The following NUP50 variants were observed in gnomAD, a reference collection of about 807,000 sequenced individuals.
NUP50 encodes nucleoporin 50, also known as nuclear pore complex protein Nup50.
In NUP50, 14 loss-of-function variants were observed where a neutral mutation model predicts 36.8. The observed-to-expected ratio is 0.38, with a 90% confidence interval of 0.25 to 0.59. NUP50 has a LOEUF of 0.59. Among genes scored for constraint, NUP50 ranks in the 20% least tolerant of loss-of-function variants. The probability of loss-of-function intolerance (pLI) is 0.63; values close to 1 mark genes in which losing one functional copy is unlikely to be tolerated. For synonymous variants in NUP50, 195 were observed against 210.8 expected, an observed-to-expected ratio of 0.93 and a Z score of 0.65; for missense variants, 455 against 564.6, an observed-to-expected ratio of 0.81 and a Z score of 1.97.
chr22:45,172,002 TGA>T (rs575457327), intron 3 of NUP50: 161 of 281,908 alleles, frequency 5.7e-4, no homozygotes, highest in African/African-American at 3.3e-3. Flanking sequence ...AAGGATCTTC[TGA>T]GAGTCTTGTC....
At chr22:45,168,458 T>A (rs1368865125) in intron 2 of NUP50, among the ~76,000 whole-genome samples, 2 of 152,256 alleles carry the variant, frequency 1.3e-5, no homozygotes, top group African/African-American at 4.8e-5. Flanking sequence ...ATGTATTAAT[T>A]ACATTTAGAT....
chr22:45,180,156 G>A (rs941478850), intron 5 of NUP50: 1 of 152,184 alleles, frequency 6.6e-6, no homozygotes, highest in Non-Finnish European at 1.5e-5. Context: ...GATTTGAATC[G>A]AGTCCCAGTG....
At chr22:45,179,567 C>G (rs1474263538) in intron 5 of NUP50, among the ~76,000 whole-genome samples, 1 of 152,122 alleles carries the variant, frequency 6.6e-6, no homozygotes, top group Non-Finnish European at 1.5e-5. Flanking sequence ...CAGGTGATGT[C>G]TGTGAAGACA....
At chr22:45,176,828 C>T (rs1316394574) in intron 4 of NUP50, among the ~76,000 whole-genome samples, 2 of 151,934 alleles carry the variant, frequency 1.3e-5, no homozygotes, top group Admixed American at 6.6e-5. Context: ...CTGCAGCCTC[C>T]GCCTCTGGGT....
chr22:45,183,754 T>C (rs2074421381), intron 7 of NUP50: 1 of 457,156 alleles, frequency 2.2e-6, no homozygotes, highest in Admixed American at 3.6e-5. Context: ...GTTAGAAATG[T>C]GACTAAGAAG....
At chr22:45,174,326 C>T (rs1371450121) in intron 3 of NUP50, among the ~76,000 whole-genome samples, 6 of 151,966 alleles carry the variant, frequency 3.9e-5, no homozygotes, top group South Asian at 2.1e-4. Context: ...TACAGGCATG[C>T]GCCACCACAC....
At chr22:45,169,741 C>T (rs145925457) in intron 2 of NUP50, among the ~76,000 whole-genome samples, 24 of 152,302 alleles carry the variant, frequency 1.6e-4, no homozygotes, top group Non-Finnish European at 2.5e-4. Flanking sequence ...CAAGTGGTAA[C>T]GCCAGTGCCT....
intron 5 of NUP50, among the ~76,000 whole-genome samples, chr22:45,180,981 G>C (rs923842550): frequency 5.6e-5 from 8 of 142,322 alleles, no homozygotes; most frequent in African/African-American, 2.1e-4. Context: ...ATAGAGTGTT[G>C]ATTTTTTTTT....
chr22:45,184,464 C>A lies in NUP50; in HGVS notation c.1216C>A (p.Leu406Met). The A allele has an allele frequency of 6.2e-7, 1 of 1,613,946 alleles. No homozygotes were observed. Among genetic ancestry groups the A allele is most frequent in the South Asian group, 1.1e-5 (1 of 91,070 alleles). ...TTGTTTGAATGCAGGCAACATATTG[C>A]TGAACGTTCTGATTCCACCCAATAT... ...RADTNLGNIL[L>M]NVLIPPNMPC... The change falls in exon 8 of 8, where the codon CTG (leucine) becomes ATG (methionine). Residue 406 changes from leucine to methionine, a missense_variant. Transcript: ENST00000347635.
At chr22:45,182,789 T>C (rs1165469130) in intron 6 of NUP50, among the ~76,000 whole-genome samples, 1 of 151,844 alleles carries the variant, frequency 6.6e-6, no homozygotes, top group Non-Finnish European at 1.5e-5. Flanking sequence ...CACGCTCAGC[T>C]AATTTTTTGT....
At chr22:45,173,342 T>G (rs1372681155) in intron 3 of NUP50, among the ~76,000 whole-genome samples, 2 of 151,448 alleles carry the variant, frequency 1.3e-5, no homozygotes, top group Non-Finnish European at 2.9e-5. Flanking sequence ...TCAGGTGTTT[T>G]TTTTTTTTTT....
intron 4 of NUP50, among the ~76,000 whole-genome samples, chr22:45,176,816 C>T (rs1240399607): frequency 2.0e-5 from 3 of 152,142 alleles, no homozygotes; most frequent in Non-Finnish European, 2.9e-5. Context: ...GACCTCTGCT[C>T]ACTGCAGCCT....
rs2074312913 is a variant in NUP50 at position 45,178,513 on chromosome 22, A to G, written c.616A>G (p.Arg206Gly). ...NIEQQHGNSG[R>G]NSESESNKVA... ...TGAACAGCAACACGGGAACAGTGGC[A>G]GGAATTCTGAAAGTGAATCTAACAA... is the stretch of plus-strand genomic sequence containing the variant. Residue 206 changes from arginine (R) to glycine (G), a missense_variant, in exon 5 of 8, where the codon AGG becomes GGG. Coordinates refer to ENST00000347635, the MANE Select transcript of NUP50 (RefSeq NM_007172.4). The G allele has an allele frequency of 1.9e-6, 3 of 1,612,180 alleles. No individual in the cohort carries two copies. In the East Asian group the frequency reaches 6.7e-5, roughly 36 times the overall value.
intron 6 of NUP50, among the ~76,000 whole-genome samples, chr22:45,182,053 TAA>T (rs2074381633): frequency 6.6e-6 from 1 of 152,206 alleles, no homozygotes; most frequent in South Asian, 2.1e-4. Context: ...CAAGAACTTT[TAA>T]AAGAGGCCAA....
intron 1 of NUP50, chr22:45,166,147 A>C (rs372128251): frequency 1.6e-4 from 25 of 152,222 alleles, no homozygotes; most frequent in African/African-American, 6.0e-4. Context: ...AAGCCCCTAC[A>C]TTTATTTAGA....
intron 1 of NUP50, chr22:45,166,354 C>G (rs1165372109): frequency 5.0e-5 from 7 of 139,842 alleles, no homozygotes; most frequent in African/African-American, 1.4e-4. Context: ...TTGGCGCGAT[C>G]TCAGCTCACT....
chr22:45,183,136 C>G (rs928874911), intron 6 of NUP50, among the ~76,000 whole-genome samples: 107 of 147,148 alleles, frequency 7.3e-4, no homozygotes, highest in African/African-American at 2.5e-3. Flanking sequence ...GACTTGAGAA[C>G]ACAGTTTCAG....
At chr22:45,165,818 G>A (rs1044895322) in intron 1 of NUP50, 8 of 152,114 alleles carry the variant, frequency 5.3e-5, no homozygotes, top group African/African-American at 1.7e-4. Context: ...ACTGTTCTAA[G>A]CCAGTCTTTG....
intron 7 of NUP50, 193 bp from the exon 8 acceptor site, chr22:45,184,260 C>A: frequency 1.7e-6 from 1 of 603,102 alleles, no homozygotes; most frequent in Non-Finnish European, 3.0e-6. Context: ...AAGGCCACTC[C>A]TCACAGTGAG....
Sources: allele counts gnomAD v4.1 joint callset (sites outside exome capture counted in the v4.1 genomes callset), GRCh38; gene constraint gnomAD v4.1.1; transcripts MANE v1.5; gene names NCBI Gene and HGNC (gene_info 2026-07-23, HGNC 2026-07-21).